Variants in CDC26 observed in about 807,000 individuals in gnomAD.
CDC26 encodes the protein anaphase-promoting complex subunit CDC26.
In CDC26, 2 loss-of-function variants were observed where a neutral mutation model predicts 8.0. That is an observed-to-expected ratio of 0.25 (90% CI 0.10 to 0.79). The LOEUF (loss-of-function observed/expected upper bound fraction) is 0.79, where lower values mean the gene tolerates loss of function less well. Ranked by LOEUF, CDC26 falls within the 30% of genes least tolerant of loss-of-function variation. The pLI is 0.70. For missense variants in CDC26, 68 were observed against 106.0 expected (o/e 0.64, Z 1.57); for synonymous variants, 19 against 34.9 (o/e 0.55, Z 1.60).
At chr9:113,270,889 G>A (rs954557948) in intron 3 of CDC26, among the ~76,000 whole-genome samples, 2 of 152,176 alleles carry the variant, frequency 1.3e-5, no homozygotes, top group African/African-American at 4.8e-5. Context: ...GGGAATGACA[G>A]GATTTGAAAA....
At position 113,272,420 on chromosome 9, in the gene CDC26, T is replaced by G. The variant is rs1425940428; in HGVS notation, c.81+7A>C. ...CATCTCAAAAAAACACAAAGTTGTA[T>G]TCATACCTCCAGGTCCTTTCGAATG... On this transcript the variant is annotated splice_region_variant and intron_variant, in intron 3 of 3. Transcript: ENST00000374206. The G allele has an allele frequency of 3.7e-6, 6 of 1,605,074 alleles. No individual in the cohort carries two copies. Among genetic ancestry groups the G allele is most frequent in the South Asian group, 1.1e-5 (1 of 90,884 alleles).
rs573308123 is a variant in CDC26 at position 113,272,837 on chromosome 9, G to A, written c.-41-289C>T. Among the ~76,000 whole-genome samples the A allele has an allele frequency of 3.3e-5, 5 of 152,010 alleles. No homozygotes were observed. In the East Asian group the frequency reaches 7.7e-4, roughly 24 times the overall value. On this transcript the variant is annotated intron_variant, in intron 2 of 3. Transcript: ENST00000374206. ...CTCCAGAGTAGCTGGGACTACAGGCGTACACCGCCATACCTGGCTAATTTT... is the reference window on the plus strand; with the variant it reads ...CTCCAGAGTAGCTGGGACTACAGGCATACACCGCCATACCTGGCTAATTTT...
At chr9:113,274,550 T>A (rs1832024292) in intron 1 of CDC26, among the ~76,000 whole-genome samples, 1 of 152,146 alleles carries the variant, frequency 6.6e-6, no homozygotes, top group Non-Finnish European at 1.5e-5. Flanking sequence ...AAAAAATCTA[T>A]ACATTTTACC....
chr9:113,269,045 CA>C (rs1447665682), intron 3 of CDC26, among the ~76,000 whole-genome samples: 1 of 152,032 alleles, frequency 6.6e-6, no homozygotes, highest in Non-Finnish European at 1.5e-5. Flanking sequence ...TGAGCCACCG[CA>C]CCCGGCCCAC....
chr9:113,273,120 T>C (rs1288709063), intron 2 of CDC26, among the ~76,000 whole-genome samples: 2 of 152,268 alleles, frequency 1.3e-5, no homozygotes, highest in Non-Finnish European at 2.9e-5. Context: ...AGAGAAATTC[T>C]AGGCAACCAT....
At chr9:113,274,028 A>G (rs1435968745) in intron 1 of CDC26, among the ~76,000 whole-genome samples, 1 of 152,076 alleles carries the variant, frequency 6.6e-6, no homozygotes, top group African/African-American at 2.4e-5. Flanking sequence ...ACAGTCAGTA[A>G]ATGTTTGTTG....
In CDC26 at chr9:113,267,288, G is replaced by A; in HGVS notation, c.233C>T (p.Ser78Phe). ...CTAAAATTCAAGACTTCCAAATTGA[G>A]ATGAACGATTATTGGGCTTGGGTTG... ...KPQPKPNNRS[S>F]QFGSLEF Residue 78 changes from serine to phenylalanine, a missense_variant, in exon 4 of 4, where the codon TCT becomes TTT. By Grantham distance (155) the Ser-to-Phe change is radical (BLOSUM62 -2). Coordinates refer to ENST00000374206, the MANE Select transcript of CDC26 (RefSeq NM_139286.4). The A allele has an allele frequency of 1.3e-6, 2 of 1,538,972 alleles. No individual in the cohort carries two copies. Among genetic ancestry groups the A allele is most frequent in the Non-Finnish European group, 1.8e-6 (2 of 1,141,172 alleles).
chr9:113,273,282 T>C (rs1308563396), intron 2 of CDC26, 47 bp downstream of exon 2: 1 of 152,240 alleles, frequency 6.6e-6, no homozygotes, highest in Non-Finnish European at 1.5e-5. Flanking sequence ...TGATCACTCT[T>C]GAATGCTAAA....
chr9:113,267,554 A>T (rs1242039432), intron 3 of CDC26, 115 bp from the exon 4 acceptor site: 1 of 1,318,486 alleles, frequency 7.6e-7, no homozygotes, highest in Non-Finnish European at 1.0e-6. Flanking sequence ...GGGTGTAAAG[A>T]ACAATAAACT....
intron 3 of CDC26, among the ~76,000 whole-genome samples, chr9:113,269,293 G>T (rs1009891364): frequency 6.6e-6 from 1 of 152,136 alleles, no homozygotes. Flanking sequence ...ATAAGGTATT[G>T]CCTTTTATGT....
intron 2 of CDC26, among the ~76,000 whole-genome samples, chr9:113,273,065 A>G (rs1831985252): frequency 6.6e-6 from 1 of 152,250 alleles, no homozygotes; most frequent in South Asian, 2.1e-4. Context: ...CTATAAAATC[A>G]AAAACTCTTT....
chr9:113,270,570 G>A (rs1183097417), intron 3 of CDC26, among the ~76,000 whole-genome samples: 3 of 152,214 alleles, frequency 2.0e-5, no homozygotes, highest in Non-Finnish European at 2.9e-5. Flanking sequence ...GGACGGGAAT[G>A]ACACATGAAA....
intron 1 of CDC26, among the ~76,000 whole-genome samples, chr9:113,275,024 G>A (rs1243356699): frequency 6.6e-6 from 1 of 152,076 alleles, no homozygotes; most frequent in East Asian, 1.9e-4. Flanking sequence ...CTGATACAAA[G>A]ACCAGGCTGA....
At chr9:113,267,482 A>T in intron 3 of CDC26, 43 bp from the exon 4 acceptor site, 3 of 1,571,624 alleles carry the variant, frequency 1.9e-6, no homozygotes, top group Non-Finnish European at 2.6e-6. Flanking sequence ...CATTCTTTCA[A>T]TTAGCAAATG....
Position 113,275,541 on chromosome 9 carries a change from C to A in CDC26, c.-311G>T, listed in dbSNP as rs1832054466. ...TTTCCTGGAGGTTCTAGGAGGGATG[C>A]CCCTCAATGCCACGACGCCATTTCC... On this transcript the variant is annotated 5_prime_UTR_variant, in exon 1 of 4. Coordinates refer to ENST00000374206, the MANE Select transcript of CDC26 (RefSeq NM_139286.4). 1 of 541,558 alleles carries A rather than the reference C, an allele frequency of 1.8e-6. No homozygotes were observed. The highest frequency in any genetic ancestry group is 3.3e-6 in the Non-Finnish European group (1 of 304,824). 33.5% of individuals were successfully genotyped at this position (541,558 alleles called of 1,614,324 possible). A position where few individuals can be genotyped will look rare whatever the true frequency, so the allele number is the denominator to read the frequency against.
At chr9:113,267,461 G>C in intron 3 of CDC26, 22 bp from the exon 4 acceptor site, 1 of 1,587,782 alleles carries the variant, frequency 6.3e-7, no homozygotes, top group Non-Finnish European at 8.6e-7. Context: ...AAAGTTTTAG[G>C]ATTAAGGCAA....
intron 3 of CDC26, 34 bp from the exon 4 acceptor site, chr9:113,267,473 A>G (rs1348551841): frequency 2.5e-6 from 4 of 1,576,874 alleles, no homozygotes; most frequent in South Asian, 1.2e-5. Context: ...TTAAGGCAAC[A>G]TTCTTTCAAT....
Position 113,272,451 on chromosome 9 carries a change from A to G in CDC26, c.57T>C (p.Phe19=). Residue 19 remains phenylalanine (F), a synonymous_variant, in exon 3 of 4, where the codon TTT becomes TTC. Transcript: ENST00000374206. ...CCTCCAGGTCCTTTCGAATGTTCTC[A>G]AACTCTTCAATGTCATCAAGCTTTA... ...LELKLDDIEE[F]ENIRKDLETR... is the part of the protein sequence containing the mutation. The G allele has an allele frequency of 6.2e-7, 1 of 1,610,940 alleles. No individual in the cohort carries two copies. The highest frequency in any genetic ancestry group is 2.2e-5 in the East Asian group (1 of 44,862).
chr9:113,272,562 AAGAG>A lies in CDC26; in HGVS notation c.-41-18_-41-15del. 7.6e-7 allele frequency: 1 copy of A among 1,318,634 alleles called. No individual in the cohort carries two copies. The highest frequency in any genetic ancestry group is 1.1e-6 in the Non-Finnish European group (1 of 913,824). The allele number at this position is 1,318,634 out of a possible 1,614,324, so 81.7% of individuals were successfully genotyped here. A position where few individuals can be genotyped will look rare whatever the true frequency, so the allele number is the denominator to read the frequency against. On this transcript the variant is annotated splice_polypyrimidine_tract_variant and intron_variant, in intron 2 of 3. Transcript: ENST00000374206. ...GTGAACTATTAGCTGTTAAAAATGA[AAGAG>A]AGGAGGAAAATCTGAAGGTGATAAA...
Sources: gnomAD v4.1 joint callset for allele counts (sites outside exome capture counted in the v4.1 genomes callset) on GRCh38, gnomAD v4.1.1 for gene constraint, MANE v1.5 for transcripts, NCBI Gene and HGNC (gene_info 2026-07-23, HGNC 2026-07-21) for gene names.